Variants in CNTN4 observed in about 807,000 individuals in gnomAD.
The protein encoded by CNTN4 is contactin 4.
In CNTN4, 77 loss-of-function variants were observed where a neutral mutation model predicts 122.5. That is an observed-to-expected ratio of 0.63 (90% CI 0.52 to 0.76). The LOEUF is 0.76. CNTN4 is among the 30% of genes least tolerant of loss of function. CNTN4 has a pLI of 0.00. For synonymous variants in CNTN4, 512 were observed against 447.0 expected, an observed-to-expected ratio of 1.15 and a Z score of -1.83; for missense variants, 1,256 against 1,259.1, an observed-to-expected ratio of 1.00 and a Z score of 0.04.
At chr3:2,604,422 A>G (rs2081175916) in intron 4 of CNTN4, among the ~76,000 whole-genome samples, 3 of 152,226 alleles carry the variant, frequency 2.0e-5, no homozygotes, top group South Asian at 4.1e-4. Context: ...GCAGAAAACA[A>G]AAATAGGTAA....
chr3:2,214,179 G>A (rs889549536), intron 2 of CNTN4, among the ~76,000 whole-genome samples: 1 of 152,128 alleles, frequency 6.6e-6, no homozygotes, highest in African/African-American at 2.4e-5. Context: ...TGAGTAATGT[G>A]GTGAAAGTAC....
rs779469434 is a variant in CNTN4 at position 2,925,654 on chromosome 3, A to G, written c.1233A>G (p.Thr411=). The change falls in exon 13 of 25, where the codon ACA becomes ACG. Residue 411 remains threonine, a synonymous_variant. Transcript: ENST00000418658. ...VIAVGPDFSR[T]LLKRVTLVKV... Reference sequence around the variant, plus strand: ...CTGTAGGTCCAGATTTTTCAAGAACACTCTTGAAAAGAGTAACTCTTGTCA... The same window carrying G: ...CTGTAGGTCCAGATTTTTCAAGAACGCTCTTGAAAAGAGTAACTCTTGTCA... 6.2e-7 allele frequency: 1 copy of G among 1,613,702 alleles called. No individual in the cohort carries two copies. Among genetic ancestry groups the G allele is most frequent in the South Asian group, 1.1e-5 (1 of 91,024 alleles).
intron 9 of CNTN4, among the ~76,000 whole-genome samples, chr3:2,886,723 A>C (rs184982647): frequency 0.025 from 3,715 of 151,434 alleles, 153 homozygotes; most frequent in African/African-American, 0.081. Context: ...CATGTTGGCC[A>C]GGCTGGTTTC....
At chr3:2,744,208 CA>C (rs2089631345) in intron 5 of CNTN4, among the ~76,000 whole-genome samples, 1 of 152,112 alleles carries the variant, frequency 6.6e-6, no homozygotes, top group East Asian at 1.9e-4. Context: ...GAGGTCTTGA[CA>C]AAAAGAAGGG....
chr3:2,935,696 TATC>T (rs2094561873), intron 13 of CNTN4, among the ~76,000 whole-genome samples: 1 of 152,216 alleles, frequency 6.6e-6, no homozygotes, highest in Non-Finnish European at 1.5e-5. Flanking sequence ...TTTTTTATCT[TATC>T]ATAGTTATAA....
chr3:2,696,177 G>C (rs937958151), intron 4 of CNTN4, among the ~76,000 whole-genome samples: 4 of 152,190 alleles, frequency 2.6e-5, no homozygotes, highest in African/African-American at 9.6e-5. Flanking sequence ...CTTTTCAAGA[G>C]ATCATAAATA....
At chr3:2,319,724 T>TA (rs1258226126) in intron 2 of CNTN4, among the ~76,000 whole-genome samples, 9 of 152,224 alleles carry the variant, frequency 5.9e-5, no homozygotes, top group Admixed American at 1.3e-4. Flanking sequence ...TTTTGGTGAA[T>TA]AGTTGGCTAT....
At chr3:2,104,157 C>G (rs1353446066) in intron 2 of CNTN4, among the ~76,000 whole-genome samples, 1 of 151,950 alleles carries the variant, frequency 6.6e-6, no homozygotes, top group Non-Finnish European at 1.5e-5. Flanking sequence ...GCCTCACATC[C>G]TGAGAATTTT....
At chr3:2,968,054 A>C in intron 13 of CNTN4, among the ~76,000 whole-genome samples, 1 of 152,084 alleles carries the variant, frequency 6.6e-6, no homozygotes, top group Non-Finnish European at 1.5e-5. Context: ...TTCTGTTCAG[A>C]TGGTATCAGC....
intron 4 of CNTN4, among the ~76,000 whole-genome samples, chr3:2,682,977 GACCATACCA>G (rs2085241617): frequency 6.6e-6 from 1 of 152,108 alleles, no homozygotes; most frequent in Non-Finnish European, 1.5e-5. Flanking sequence ...GACTGGGACA[GACCATACCA>G]ATCACTGACC....
intron 4 of CNTN4, among the ~76,000 whole-genome samples, chr3:2,585,350 A>G (rs1401151479): frequency 1.3e-5 from 2 of 151,158 alleles, no homozygotes; most frequent in African/African-American, 4.9e-5. Flanking sequence ...CATATACCCA[A>G]GGGATTATAA....
At chr3:2,222,982 A>G (rs1458084731) in intron 2 of CNTN4, among the ~76,000 whole-genome samples, 1 of 152,210 alleles carries the variant, frequency 6.6e-6, no homozygotes, top group Non-Finnish European at 1.5e-5. Context: ...TGACTTAAGT[A>G]TATCACAGGG....
intron 2 of CNTN4, among the ~76,000 whole-genome samples, chr3:2,233,633 T>C (rs1414268584): frequency 1.3e-5 from 2 of 152,130 alleles, no homozygotes; most frequent in African/African-American, 4.8e-5. Flanking sequence ...TTGGTGCTAA[T>C]TTCAGTGTCC....
chr3:2,445,845 C>T (rs973306100), intron 3 of CNTN4, among the ~76,000 whole-genome samples: 4 of 152,072 alleles, frequency 2.6e-5, no homozygotes, highest in South Asian at 2.1e-4. Flanking sequence ...ACTGACACTC[C>T]GGGATGCTGC....
chr3:3,042,740 A>G lies in CNTN4; in HGVS notation c.2512-237A>G, dbSNP rs75708693. The G allele has an allele frequency of 2.4e-3, 1,446 of 594,496 alleles. 19 individuals are homozygous for G. Among genetic ancestry groups the G allele is most frequent in the African/African-American group, 0.022 (1,206 of 53,882 alleles). The allele number at this position is 594,496 out of a possible 1,614,324, so 36.8% of individuals were successfully genotyped here. A position where few individuals can be genotyped will look rare whatever the true frequency, so the allele number is the denominator to read the frequency against. Reference sequence around the variant, plus strand: ...AACAAACATGGGAAAAAAGAAAATAATGAACGACGGTTGTGTCAATGTACC... The same window carrying G: ...AACAAACATGGGAAAAAAGAAAATAGTGAACGACGGTTGTGTCAATGTACC... On this transcript the variant is annotated intron_variant, in intron 21 of 24. Transcript: ENST00000418658.
rs2094018964 is a variant in CNTN4, at chr3:2,889,855, A to T, written c.940+2631A>T. On this transcript the variant is annotated intron_variant, in intron 10 of 24. Transcript: ENST00000418658. ...GTGGGTTAGAGGTTTCCTGCACTGG[A>T]AATACAGTACTCCAGGATTACTGTT... Among the ~76,000 whole-genome samples the T allele has an allele frequency of 2.0e-5, 3 of 152,328 alleles. No individual in the cohort carries two copies. The South Asian group carries it at 6.2e-4, about 32-fold the overall frequency.
At chr3:2,338,694 C>T (rs1435513957) in intron 2 of CNTN4, among the ~76,000 whole-genome samples, 1 of 151,918 alleles carries the variant, frequency 6.6e-6, no homozygotes, top group Non-Finnish European at 1.5e-5. Flanking sequence ...AAGTTTAAGT[C>T]GGTAGCTTTA....
intron 9 of CNTN4, among the ~76,000 whole-genome samples, chr3:2,886,325 A>G (rs1360060176): frequency 6.6e-6 from 1 of 151,376 alleles, no homozygotes; most frequent in Non-Finnish European, 1.5e-5. Flanking sequence ...TGAACCCAGG[A>G]GGCAGAGGTT....
chr3:2,395,737 A>C (rs1014113055), intron 3 of CNTN4, among the ~76,000 whole-genome samples: 6 of 152,160 alleles, frequency 3.9e-5, no homozygotes, highest in Non-Finnish European at 7.4e-5. Flanking sequence ...TGCTTAGAGT[A>C]ATGGCCTCCA....
Sources: gnomAD v4.1 joint callset for allele counts (sites outside exome capture counted in the v4.1 genomes callset) on GRCh38, gnomAD v4.1.1 for gene constraint, MANE v1.5 for transcripts, NCBI Gene and HGNC (gene_info 2026-07-23, HGNC 2026-07-21) for gene names.